Variants in NBEA observed in about 807,000 individuals in gnomAD.
The protein encoded by NBEA is neurobeachin, also known as lysosomal-trafficking regulator 2.
NBEA carries 44 observed loss-of-function variants against 343.4 expected under a neutral mutation model. The observed-to-expected ratio is 0.13, with a 90% CI of 0.10 to 0.16. The LOEUF is 0.16. Ranked by LOEUF, NBEA falls within the 10% of genes least tolerant of loss-of-function variation. The probability of loss-of-function intolerance (pLI) is 1.00; values close to 1 mark genes in which losing one functional copy is unlikely to be tolerated. For synonymous variants in NBEA, 1,175 were observed against 1,238.7 expected (o/e 0.95, Z 1.08); for missense variants, 2,555 against 3,631.3 (o/e 0.70, Z 7.62).
At chr13:35,192,881 A>G (rs1457314129) in intron 30 of NBEA, among the ~76,000 whole-genome samples, 2 of 151,958 alleles carry the variant, frequency 1.3e-5, no homozygotes, top group Non-Finnish European at 2.9e-5. Flanking sequence ...CTTTTTGTAT[A>G]GCTGTTAATG....
chr13:35,451,231 C>T (rs2046295990), intron 39 of NBEA, among the ~76,000 whole-genome samples: 1 of 152,280 alleles, frequency 6.6e-6, no homozygotes, highest in East Asian at 1.9e-4. Flanking sequence ...TCACGCCATT[C>T]TCCTGCCTGG....
intron 38 of NBEA, among the ~76,000 whole-genome samples, chr13:35,425,897 T>C (rs1343117819): frequency 6.6e-6 from 1 of 152,216 alleles, no homozygotes; most frequent in Non-Finnish European, 1.5e-5. Context: ...TTTACCATTA[T>C]GTAATGGCCT....
chr13:35,455,948 C>T lies in NBEA; in HGVS notation c.6448+3713C>T, dbSNP rs529179891. 9.5e-4 allele frequency among the ~76,000 whole-genome samples: 145 copies of T among 152,092 alleles called. 1 individual carries two copies. The highest frequency in any genetic ancestry group is 1.6e-3 in the Non-Finnish European group (110 of 67,880). On this transcript the variant is annotated intron_variant, in intron 40 of 58. Coordinates refer to ENST00000379939, the MANE Select transcript of NBEA (RefSeq NM_001385012.1). The stretch of plus-strand genomic sequence containing the variant: ...TTGTAGGTATATATCATTAAAGACT[C>T]TTCTAAAATGATGTGAAAATGACAT...
chr13:35,460,597 T>G (rs1165423918), intron 40 of NBEA, among the ~76,000 whole-genome samples: 2 of 152,196 alleles, frequency 1.3e-5, no homozygotes, highest in Non-Finnish European at 2.9e-5. Flanking sequence ...GTGCAAACAT[T>G]TTACTGTAAT....
At chr13:35,144,372 G>A (rs1363578165) in intron 18 of NBEA, among the ~76,000 whole-genome samples, 1 of 152,118 alleles carries the variant, frequency 6.6e-6, no homozygotes, top group East Asian at 1.9e-4. Flanking sequence ...TTATGGTGCT[G>A]GTGAGTGTGT....
chr13:35,550,643 T>C lies in NBEA; in HGVS notation c.6703+49T>C, dbSNP rs771938620. On this transcript the variant is annotated intron_variant, in intron 42 of 58. Coordinates refer to ENST00000379939, the MANE Select transcript of NBEA (RefSeq NM_001385012.1). ...AGAAAATGTGCTCATATTTACATAT[T>C]ATTCATTTACATGGTATGATAATGT... 3.4e-6 allele frequency: 4 copies of C among 1,166,282 alleles called. No individual in the cohort carries two copies. The South Asian group carries it at 5.2e-5, about 15-fold the overall frequency. The allele number at this position is 1,166,282 out of a possible 1,614,324, so 72.2% of individuals were successfully genotyped here.
intron 49 of NBEA, among the ~76,000 whole-genome samples, chr13:35,634,212 G>A (rs541911171): frequency 3.9e-5 from 6 of 152,052 alleles, no homozygotes; most frequent in Admixed American, 3.3e-4. Context: ...GCGTGGTGGC[G>A]GGCACCTGTA....
At chr13:35,572,454 T>A (rs1296050710) in intron 45 of NBEA, among the ~76,000 whole-genome samples, 1 of 152,128 alleles carries the variant, frequency 6.6e-6, no homozygotes, top group Non-Finnish European at 1.5e-5. Context: ...GGAAAAAATA[T>A]ATTTTGTTAA....
At chr13:35,253,659 T>C (rs1329700476) in intron 34 of NBEA, among the ~76,000 whole-genome samples, 1 of 152,218 alleles carries the variant, frequency 6.6e-6, no homozygotes, top group African/African-American at 2.4e-5. Flanking sequence ...GGAGTTTTAT[T>C]GAAATACAGG....
At chr13:35,549,919 C>A (rs566078965) in intron 41 of NBEA, among the ~76,000 whole-genome samples, 1 of 152,298 alleles carries the variant, frequency 6.6e-6, no homozygotes, top group African/African-American at 2.4e-5. Context: ...CTTCCATACC[C>A]CTTTATTTAC....
chr13:35,129,600 T>C (rs2067304661), intron 17 of NBEA, among the ~76,000 whole-genome samples: 3 of 151,932 alleles, frequency 2.0e-5, no homozygotes, highest in East Asian at 3.9e-4. Context: ...ATAAGCAAGA[T>C]TACAACCATG....
At chr13:35,121,622 A>G (rs560618917) in intron 16 of NBEA, among the ~76,000 whole-genome samples, 2 of 152,238 alleles carry the variant, frequency 1.3e-5, no homozygotes, top group Non-Finnish European at 2.9e-5. Context: ...TGAAAAAAAA[A>G]TCTTCCAAAG....
chr13:35,578,771 A>G (rs2080869996), intron 45 of NBEA, among the ~76,000 whole-genome samples: 1 of 152,176 alleles, frequency 6.6e-6, no homozygotes, highest in African/African-American at 2.4e-5. Flanking sequence ...CTTATCCATA[A>G]TGCTTGGGAC....
chr13:35,620,454 G>A (rs2082932048), intron 48 of NBEA, among the ~76,000 whole-genome samples: 1 of 152,150 alleles, frequency 6.6e-6, no homozygotes. Flanking sequence ...TGGTTGGCAA[G>A]GAGGCCAGTG....
chr13:35,656,691 T>C (rs753379508), intron 55 of NBEA, among the ~76,000 whole-genome samples: 6 of 152,208 alleles, frequency 3.9e-5, no homozygotes, highest in Non-Finnish European at 7.3e-5. Context: ...AAGCTTTCAA[T>C]AGTTCACTCA....
At chr13:35,573,661 GA>G (rs1170637316) in intron 45 of NBEA, among the ~76,000 whole-genome samples, 1 of 151,908 alleles carries the variant, frequency 6.6e-6, no homozygotes, top group Non-Finnish European at 1.5e-5. Flanking sequence ...CACCCTTTCA[GA>G]AAAAGAGAGG....
intron 48 of NBEA, among the ~76,000 whole-genome samples, chr13:35,622,848 C>T (rs758717340): frequency 2.0e-5 from 3 of 152,048 alleles, no homozygotes; most frequent in African/African-American, 7.2e-5. Context: ...TGTCTCCTCA[C>T]AGTTAAATTT....
At chr13:35,047,438 A>T (rs968941647) in intron 4 of NBEA, among the ~76,000 whole-genome samples, 1 of 152,060 alleles carries the variant, frequency 6.6e-6, no homozygotes, top group Non-Finnish European at 1.5e-5. Context: ...TGGGAACACA[A>T]TTGAAAAGAG....
intron 31 of NBEA, among the ~76,000 whole-genome samples, chr13:35,201,315 G>A (rs954329509): frequency 7.9e-5 from 12 of 151,920 alleles, no homozygotes; most frequent in African/African-American, 2.9e-4. Flanking sequence ...TCATTAATAG[G>A]TGATTTAATG....
Sources: gnomAD v4.1 joint callset for allele counts (sites outside exome capture counted in the v4.1 genomes callset) on GRCh38, gnomAD v4.1.1 for gene constraint, MANE v1.5 for transcripts, NCBI Gene and HGNC (gene_info 2026-07-23, HGNC 2026-07-21) for gene names.